The following ARNT variants were observed in gnomAD, a reference collection of about 807,000 sequenced individuals.
The protein encoded by ARNT is aryl hydrocarbon receptor nuclear translocator.
Under a neutral mutation model 105.0 loss-of-function variants are expected in ARNT, and 30 were observed. The ratio of observed to expected loss-of-function variants is 0.29; its 90% CI spans 0.21 to 0.39. ARNT has a LOEUF of 0.39. Among genes scored for constraint, ARNT ranks in the 10% least tolerant of loss-of-function variants. ARNT has a pLI of 1.00. For synonymous variants in ARNT, 304 were observed against 344.0 expected, an observed-to-expected ratio of 0.88 and a Z score of 1.29; for missense variants, 748 against 978.7, an observed-to-expected ratio of 0.76 and a Z score of 3.15.
intron 15 of ARNT, 82 bp from the exon 16 acceptor site, chr1:150,817,515 C>T: frequency 7.4e-7 from 1 of 1,358,438 alleles, no homozygotes; most frequent in Middle Eastern, 2.5e-4. Context: ...AACCTTAAAA[C>T]AAATTAAACA....
At position 150,874,667 on chromosome 1, in the gene ARNT, G is replaced by A. The variant is rs75567657; in HGVS notation, c.25+1876C>T. ...CTTGCCACTGCACTCCAGACTGGGC[G>A]ACAGAGCAAGGAGCAAGACCCTGTA... On this transcript the variant is annotated intron_variant, in intron 1 of 21. Transcript: ENST00000358595. Among the ~76,000 whole-genome samples, 28 of 152,238 alleles carry A rather than the reference G, an allele frequency of 1.8e-4. 1 individual carries two copies. The East Asian group carries it at 5.2e-3, about 28-fold the overall frequency.
rs367963344 is a variant in ARNT, at chr1:150,867,098, A to G, written c.26-8638T>C. 2.7e-4 allele frequency among the ~76,000 whole-genome samples: 41 copies of G among 152,076 alleles called. No individual in the cohort carries two copies. The East Asian group carries it at 6.2e-3, about 23-fold the overall frequency. On this transcript the variant is annotated intron_variant, in intron 1 of 21. Coordinates refer to ENST00000358595, the MANE Select transcript of ARNT (RefSeq NM_001668.4). The stretch of plus-strand genomic sequence containing the variant: ...GGCACACTGTAGTCCCAGCTACTCG[A>G]GAGGCTGAGGCACAAAAATCATTTG...
chr1:150,825,239 T>TA (rs1657959572), intron 13 of ARNT, among the ~76,000 whole-genome samples: 1 of 152,182 alleles, frequency 6.6e-6, no homozygotes. Flanking sequence ...ATTAAAAAAA[T>TA]AAAAATAAAC....
chr1:150,847,425 CAAAAAAAA>C (rs587697329), intron 3 of ARNT, among the ~76,000 whole-genome samples: 3 of 91,750 alleles, frequency 3.3e-5, no homozygotes, highest in African/African-American at 4.5e-5. Context: ...GACTCCGTCT[CAAAAAAAA>C]AAAAAAAAAA....
intron 1 of ARNT, among the ~76,000 whole-genome samples, chr1:150,867,886 C>T (rs587620056): frequency 1.3e-5 from 2 of 152,252 alleles, no homozygotes; most frequent in East Asian, 3.9e-4. Context: ...GCTTCCCCTT[C>T]GCCTTCCGCC....
At chr1:150,824,092 C>T (rs368872358) in intron 13 of ARNT, among the ~76,000 whole-genome samples, 15 of 151,968 alleles carry the variant, frequency 9.9e-5, no homozygotes, top group African/African-American at 3.6e-4. Flanking sequence ...CCGCCTGCCT[C>T]GGCCTCCCAA....
rs1654610621 is a variant in ARNT at position 150,810,945 on chromosome 1, T to A, written c.*1076A>T. Reference sequence around the variant, plus strand: ...GCTACTTTGCAAGAGGGCTTCGTATTTGGTTTACACTCCAACAATGAGGAT... The same window carrying A: ...GCTACTTTGCAAGAGGGCTTCGTATATGGTTTACACTCCAACAATGAGGAT... On this transcript the variant is annotated 3_prime_UTR_variant, in exon 22 of 22. Transcript: ENST00000358595. 2 of 228,780 alleles carry A rather than the reference T, an allele frequency of 8.7e-6. No homozygotes were observed. The highest frequency in any genetic ancestry group is 1.7e-5 in the Non-Finnish European group (2 of 114,992). The allele number at this position is 228,780 out of a possible 1,614,324, so 14.2% of individuals were successfully genotyped here.
chr1:150,813,048 T>G (rs1180010895), intron 21 of ARNT, 124 bp downstream of exon 21: 3 of 1,079,008 alleles, frequency 2.8e-6, no homozygotes, highest in Non-Finnish European at 4.0e-6. Context: ...TATCCCTCTC[T>G]GTCTTCTCAC....
chr1:150,871,291 G>C (rs587773259), intron 1 of ARNT, among the ~76,000 whole-genome samples: 56 of 140,834 alleles, frequency 4.0e-4, no homozygotes, highest in African/African-American at 1.4e-3. Flanking sequence ...TTAGGCAGTC[G>C]TGGTTTTTTT....
chr1:150,873,268 GAC>G (rs1216265527), intron 1 of ARNT, among the ~76,000 whole-genome samples: 2 of 150,240 alleles, frequency 1.3e-5, no homozygotes, highest in African/African-American at 4.9e-5. Flanking sequence ...CAGCCTGGGC[GAC>G]AGAGTGAGAC....
intron 1 of ARNT, among the ~76,000 whole-genome samples, chr1:150,868,443 G>A (rs1388099841): frequency 1.3e-5 from 2 of 152,196 alleles, no homozygotes; most frequent in Non-Finnish European, 2.9e-5. Context: ...TAGCAACAGT[G>A]TCTCTGAAAC....
At chr1:150,852,724 A>G in intron 3 of ARNT, 38 bp downstream of exon 3, 1 of 1,565,832 alleles carries the variant, frequency 6.4e-7, no homozygotes, top group Non-Finnish European at 8.8e-7. Context: ...ACTAATTTTT[A>G]ATATCAGACA....
At chr1:150,830,045 A>G (rs1358884594) in intron 10 of ARNT, 65 bp from the exon 11 acceptor site, 3 of 1,559,994 alleles carry the variant, frequency 1.9e-6, no homozygotes, top group Non-Finnish European at 2.6e-6. Context: ...CAAAACTCAG[A>G]CAAGTAAAGA....
At chr1:150,859,478 C>T (rs867001216) in intron 1 of ARNT, among the ~76,000 whole-genome samples, 3 of 151,794 alleles carry the variant, frequency 2.0e-5, no homozygotes, top group Admixed American at 6.6e-5. Flanking sequence ...TCCTAAGTAG[C>T]TGGGACTACA....
At chr1:150,821,828 CTTTTTTTTT>C (rs367766946) in intron 14 of ARNT, among the ~76,000 whole-genome samples, 1 of 114,910 alleles carries the variant, frequency 8.7e-6, no homozygotes. Flanking sequence ...TTTGTATTTT[CTTTTTTTTT>C]TTTTTTTTTT....
Position 150,817,983 on chromosome 1 carries a change from C to T in ARNT, c.1442G>A (p.Arg481Lys), listed in dbSNP as rs751427271. 54 of 1,613,178 alleles carry T rather than the reference C, an allele frequency of 3.3e-5. No individual in the cohort carries two copies. The South Asian group carries it at 5.9e-4, about 18-fold the overall frequency. ...ATTAGCTGTGGGACCTAGTTGTGGC[C>T]TCTGGATTGTGTTGGAGAGTGTAGG... ...PRPTLSNTIQRPQLGPTANLP... is the reference protein window; with the variant it reads ...PRPTLSNTIQKPQLGPTANLP... The change falls in exon 15 of 22, where the codon AGG (arginine) becomes AAG (lysine). Residue 481 changes from arginine (R) to lysine (K), a missense_variant. Physicochemically the swap from Arg to Lys is conservative, Grantham distance 26. Transcript: ENST00000358595.
intron 5 of ARNT, among the ~76,000 whole-genome samples, chr1:150,841,094 G>A (rs587710531): frequency 3.3e-5 from 5 of 150,006 alleles, no homozygotes; most frequent in Admixed American, 6.6e-5. Context: ...GACTACAGGC[G>A]CACACCACCA....
At chr1:150,856,654 T>C (rs1014740064) in intron 2 of ARNT, among the ~76,000 whole-genome samples, 3 of 151,874 alleles carry the variant, frequency 2.0e-5, no homozygotes, top group African/African-American at 7.3e-5. Flanking sequence ...TCCCAGCTGC[T>C]TGGGAGGCTG....
intron 1 of ARNT, among the ~76,000 whole-genome samples, chr1:150,872,519 T>C (rs997569968): frequency 1.3e-5 from 2 of 152,232 alleles, no homozygotes; most frequent in East Asian, 1.9e-4. Flanking sequence ...CTAATGAGAA[T>C]ACCAGAATCA....
Sources: allele counts gnomAD v4.1 joint callset (sites outside exome capture counted in the v4.1 genomes callset), GRCh38; gene constraint gnomAD v4.1.1; transcripts MANE v1.5; gene names NCBI Gene and HGNC (gene_info 2026-07-23, HGNC 2026-07-21).